The following CNTRL variants were observed in gnomAD, a reference collection of about 807,000 sequenced individuals.
The protein encoded by CNTRL is centriolin.
CNTRL carries 233 observed loss-of-function variants against 303.7 expected under a neutral mutation model. The observed-to-expected ratio is 0.77, with a 90% CI of 0.69 to 0.86. The LOEUF (loss-of-function observed/expected upper bound fraction) is 0.86. CNTRL is among the 40% of genes least tolerant of loss of function. CNTRL has a pLI of 0.00. For synonymous variants in CNTRL, 900 were observed against 922.2 expected (o/e 0.98, Z 0.44); for missense variants, 2,524 against 2,650.6 (o/e 0.95, Z 1.05).
intron 8 of CNTRL, 66 bp from the exon 9 acceptor site, chr9:121,112,393 T>C: frequency 6.8e-7 from 1 of 1,470,976 alleles, no homozygotes; most frequent in Non-Finnish European, 9.4e-7. Context: ...GAACTTACCA[T>C]ATCATCACAC....
At chr9:121,140,528 G>C (rs2051446015) in intron 16 of CNTRL, 113 bp from the exon 17 acceptor site, 5 of 893,746 alleles carry the variant, frequency 5.6e-6, no homozygotes, top group Non-Finnish European at 7.8e-6. Context: ...CTTTTTACTT[G>C]AAAGAGGCAT....
chr9:121,109,871 G>A (rs1480053135), intron 8 of CNTRL, among the ~76,000 whole-genome samples: 1 of 151,928 alleles, frequency 6.6e-6, no homozygotes, highest in African/African-American at 2.4e-5. Flanking sequence ...ATATTTATTG[G>A]CTATTTTGTA....
chr9:121,097,998 T>G (rs75713303), intron 6 of CNTRL, among the ~76,000 whole-genome samples: 12,264 of 152,188 alleles, frequency 0.081, 1,160 homozygotes, highest in African/African-American at 0.22. Flanking sequence ...TTTTTTGATT[T>G]GTTAAATCAG....
chr9:121,141,233 C>A, intron 17 of CNTRL, 148 bp from the exon 18 acceptor site: 1 of 628,302 alleles, frequency 1.6e-6, no homozygotes, highest in Non-Finnish European at 2.8e-6. Context: ...CAATAATTTG[C>A]GCTTAGGAGA....
chr9:121,083,884 T>C (rs1337945253), intron 2 of CNTRL, among the ~76,000 whole-genome samples: 1 of 152,230 alleles, frequency 6.6e-6, no homozygotes, highest in Non-Finnish European at 1.5e-5. Flanking sequence ...GGGACCACTG[T>C]CATGTATGTG....
At chr9:121,100,786 A>AT (rs1278843389) in intron 7 of CNTRL, among the ~76,000 whole-genome samples, 1 of 152,082 alleles carries the variant, frequency 6.6e-6, no homozygotes, top group African/African-American at 2.4e-5. Flanking sequence ...CAGACTTTAA[A>AT]CCAACAAAGA....
In CNTRL at chr9:121,151,384, C is replaced by CTTTTTTTTTTTTTTTTTTTT. The variant is rs200247383; in HGVS notation, c.3963+903_3963+904insTTTTTTTTTTTTTTTTTTTT. On this transcript the variant is annotated intron_variant, in intron 25 of 43. Coordinates refer to ENST00000373855, the MANE Select transcript of CNTRL (RefSeq NM_007018.6). ...GATTACTTCCTTTTTCTTTTTTCTT[C>CTTTTTTTTTTTTTTTTTTTT]TTCTTTTTTTTTTTTTTTTTTTTTG... Among the ~76,000 whole-genome samples, 312 of 91,392 alleles carry CTTTTTTTTTTTTTTTTTTTT rather than the reference C, an allele frequency of 3.4e-3. 21 individuals are homozygous for CTTTTTTTTTTTTTTTTTTTT. The highest frequency in any genetic ancestry group is 9.5e-3 in the South Asian group (14 of 1,480). 60.0% of individuals were successfully genotyped at this position (91,392 alleles called of 152,430 possible). A position where few individuals can be genotyped will look rare whatever the true frequency, so the allele number is the denominator to read the frequency against.
chr9:121,082,884 C>T (rs528328359), intron 2 of CNTRL, among the ~76,000 whole-genome samples: 3 of 150,382 alleles, frequency 2.0e-5, no homozygotes, highest in South Asian at 2.1e-4. Context: ...GCAGGAGAAT[C>T]GCTTGAACCC....
Position 121,135,808 on chromosome 9 carries a change from G to T in CNTRL, c.2028G>T (p.Glu676Asp). ...TTAAACCCACTGAATCTTTCTAGGAGCTTGCAGAGCTAGAAAGTGCCCTCC... is the reference window on the plus strand; with the variant it reads ...TTAAACCCACTGAATCTTTCTAGGATCTTGCAGAGCTAGAAAGTGCCCTCC... ...VAMDAENMRKELAELESALQE... is the reference protein window; with the variant it reads ...VAMDAENMRKDLAELESALQE... Residue 676 changes from glutamate (E) to aspartate (D), a missense_variant and splice_region_variant, in exon 15 of 44, where the codon GAG (glutamate) becomes GAT (aspartate). Coordinates refer to ENST00000373855, the MANE Select transcript of CNTRL (RefSeq NM_007018.6). 1 of 1,609,048 alleles carries T rather than the reference G, an allele frequency of 6.2e-7. No homozygotes were observed. The highest frequency in any genetic ancestry group is 8.5e-7 in the Non-Finnish European group (1 of 1,177,816).
intron 24 of CNTRL, 59 bp downstream of exon 24, chr9:121,148,920 G>C (rs905759926): frequency 6.8e-7 from 1 of 1,481,144 alleles, no homozygotes. Flanking sequence ...ACCTTTTACT[G>C]ATTCTCTGAA....
intron 3 of CNTRL, among the ~76,000 whole-genome samples, chr9:121,089,567 A>G (rs1162870092): frequency 6.6e-6 from 1 of 152,238 alleles, no homozygotes; most frequent in Non-Finnish European, 1.5e-5. Context: ...GATTTTCTCT[A>G]TTTAAAAGTG....
In CNTRL at chr9:121,135,796, A is replaced by T; in HGVS notation, c.2026-10A>T. The stretch of plus-strand genomic sequence containing the variant: ...AGGGTTCCATAGTTAAACCCACTGA[A>T]TCTTTCTAGGAGCTTGCAGAGCTAG... On this transcript the variant is annotated splice_polypyrimidine_tract_variant and intron_variant, in intron 14 of 43. Coordinates refer to ENST00000373855, the MANE Select transcript of CNTRL (RefSeq NM_007018.6). 1 of 1,598,536 alleles carries T rather than the reference A, an allele frequency of 6.3e-7. No individual in the cohort carries two copies. The highest frequency in any genetic ancestry group is 8.5e-7 in the Non-Finnish European group (1 of 1,172,056).
At position 121,088,346 on chromosome 9, in the gene CNTRL, A is replaced by C. The variant is rs762693928; in HGVS notation, c.20A>C (p.Gln7Pro). The change falls in exon 3 of 44, where the codon CAA becomes CCA. Residue 7 changes from glutamine to proline, a missense_variant. Transcript: ENST00000373855. MKKGSQ[Q>P]KIFSKAKIPS... ...CTTGCAATGAAGAAAGGTTCTCAAC[A>C]AAAAATATTCTCCAAAGCAAAGATA... 5.6e-6 allele frequency: 9 copies of C among 1,612,414 alleles called. No homozygotes were observed. Among genetic ancestry groups the C allele is most frequent in the Admixed American group, 3.3e-5 (2 of 59,976 alleles).
chr9:121,160,391 A>G (rs2052790473), intron 32 of CNTRL, 89 bp downstream of exon 32: 1 of 983,356 alleles, frequency 1.0e-6, no homozygotes, highest in African/African-American at 1.7e-5. Context: ...TGGCCAAAAA[A>G]ACTTTAAAGT....
At position 121,171,493 on chromosome 9, in the gene CNTRL, G is replaced by C; in HGVS notation, c.6362G>C (p.Arg2121Pro). 1 of 1,614,058 alleles carries C rather than the reference G, an allele frequency of 6.2e-7. No homozygotes were observed. Among genetic ancestry groups the C allele is most frequent in the Non-Finnish European group, 8.5e-7 (1 of 1,179,964 alleles). ...VAQDNHERARRLMKELNQMQY... is the reference protein window; with the variant it reads ...VAQDNHERARPLMKELNQMQY... ...CAGGACAACCATGAGCGGGCCAGGC[G>C]CCTGATGAAGGAGCTCAACCAGATG... Residue 2121 changes from arginine to proline, a missense_variant, in exon 40 of 44, where the codon CGC becomes CCC. Physicochemically the swap from Arg to Pro is moderately radical, Grantham distance 103. Transcript: ENST00000373855.
rs550632610 is a variant in CNTRL at position 121,115,879 on chromosome 9, C to T, written c.1455+679C>T. Among the ~76,000 whole-genome samples the T allele has an allele frequency of 3.9e-5, 6 of 152,144 alleles. No homozygotes were observed. In the Middle Eastern group the frequency reaches 0.01, roughly 259 times the overall value. The stretch of plus-strand genomic sequence containing the variant: ...AAATTGTAGATTCTTTTAAAAGATA[C>T]ACTGTATTGTTACTTTCAGATTTTA... On this transcript the variant is annotated intron_variant, in intron 11 of 43. Coordinates refer to ENST00000373855, the MANE Select transcript of CNTRL (RefSeq NM_007018.6).
chr9:121,095,718 A>C (rs1241471790), intron 5 of CNTRL, among the ~76,000 whole-genome samples: 1 of 152,256 alleles, frequency 6.6e-6, no homozygotes, highest in Non-Finnish European at 1.5e-5. Flanking sequence ...TAAAATTTGT[A>C]TAAAAAGTTG....
chr9:121,099,040 C>G (rs1351397536), intron 7 of CNTRL, among the ~76,000 whole-genome samples: 2 of 152,100 alleles, frequency 1.3e-5, no homozygotes, highest in African/African-American at 2.4e-5. Flanking sequence ...GTTAAACGTC[C>G]CTGACTGACA....
At chr9:121,144,251 A>G (rs932486516) in intron 20 of CNTRL, among the ~76,000 whole-genome samples, 169 bp downstream of exon 20, 1 of 152,128 alleles carries the variant, frequency 6.6e-6, no homozygotes, top group Non-Finnish European at 1.5e-5. Flanking sequence ...ACAACCCCCA[A>G]TAATTTATTT....
Sources: allele counts gnomAD v4.1 joint callset (sites outside exome capture counted in the v4.1 genomes callset), GRCh38; gene constraint gnomAD v4.1.1; transcripts MANE v1.5; gene names NCBI Gene and HGNC (gene_info 2026-07-23, HGNC 2026-07-21).